TXNRD2: variants seen among roughly 807,000 people sequenced by gnomAD.
The protein encoded by TXNRD2 is thioredoxin reductase 2, mitochondrial.
In TXNRD2, 67 loss-of-function variants were observed where a neutral mutation model predicts 70.8. The observed-to-expected ratio is 0.95, with a 90% CI of 0.78 to 1.16. TXNRD2 has a LOEUF of 1.16. Ranked by LOEUF, TXNRD2 falls within the 50% of genes most tolerant of loss-of-function variation. TXNRD2 has a pLI of 0.00. For synonymous variants in TXNRD2, 301 were observed against 295.8 expected (o/e 1.02, Z -0.18); for missense variants, 644 against 719.9 (o/e 0.89, Z 1.21).
chr22:19,915,096 A>G (rs961307512), intron 7 of TXNRD2, 118 bp downstream of exon 7: 3 of 911,446 alleles, frequency 3.3e-6, no homozygotes, highest in South Asian at 2.8e-5. Flanking sequence ...GATAGTGAGT[A>G]TAGGGGGAAA....
At chr22:19,907,965 C>G (rs1319333021) in intron 8 of TXNRD2, among the ~76,000 whole-genome samples, 1 of 99,400 alleles carries the variant, frequency 1.0e-5, no homozygotes, top group Non-Finnish European at 1.9e-5. Flanking sequence ...AGAGTGTGGG[C>G]GCCGTGGGTA....
At chr22:19,938,742 G>A (rs1295895204) in intron 1 of TXNRD2, among the ~76,000 whole-genome samples, 2 of 152,116 alleles carry the variant, frequency 1.3e-5, no homozygotes, top group Non-Finnish European at 2.9e-5. Context: ...AACTTTTACA[G>A]TGCTCCCAGT....
intron 2 of TXNRD2, among the ~76,000 whole-genome samples, chr22:19,922,454 A>C (rs1012157): frequency 6.6e-6 from 1 of 151,968 alleles, no homozygotes; most frequent in Non-Finnish European, 1.5e-5. Flanking sequence ...TTAAGTATTC[A>C]AATGGTTTGT....
chr22:19,920,967 C>T (rs556143207), intron 2 of TXNRD2, among the ~76,000 whole-genome samples: 3 of 151,948 alleles, frequency 2.0e-5, no homozygotes, highest in East Asian at 3.9e-4. Context: ...ATTAGTTGGG[C>T]GTGGTGGCAG....
intron 3 of TXNRD2, among the ~76,000 whole-genome samples, chr22:19,919,271 C>A (rs1383445197): frequency 1.4e-5 from 2 of 145,854 alleles, no homozygotes; most frequent in African/African-American, 5.1e-5. Context: ...TCATAGCTCA[C>A]TATAGCCTCG....
chr22:19,893,116 A>T (rs1218303670), intron 11 of TXNRD2, among the ~76,000 whole-genome samples: 1 of 152,168 alleles, frequency 6.6e-6, no homozygotes, highest in Non-Finnish European at 1.5e-5. Flanking sequence ...CTGCTTCAGA[A>T]GTGCATCACC....
Position 19,894,932 on chromosome 22 carries a change from T to G in TXNRD2, c.949+475A>C, listed in dbSNP as rs1283448364. On this transcript the variant is annotated intron_variant, in intron 11 of 17. Coordinates refer to ENST00000400521, the MANE Select transcript of TXNRD2 (RefSeq NM_006440.5). ...GAACCCGGGAGGCGGAGGTTGCCACTGCACTCCAGCCTGGGCGACAGAGCG... is the reference window on the plus strand; with the variant it reads ...GAACCCGGGAGGCGGAGGTTGCCACGGCACTCCAGCCTGGGCGACAGAGCG... 6.9e-6 allele frequency: 9 copies of G among 1,311,048 alleles called. No homozygotes were observed. The African/African-American group carries it at 9.5e-5, about 14-fold the overall frequency. 81.2% of individuals were successfully genotyped at this position (1,311,048 alleles called of 1,614,324 possible).
intron 1 of TXNRD2, chr22:19,938,279 A>C (rs2146110327): frequency 6.6e-6 from 1 of 152,318 alleles, no homozygotes; most frequent in East Asian, 1.9e-4. Flanking sequence ...GGTGTCTGCC[A>C]AAGTTCCTGT....
intron 2 of TXNRD2, among the ~76,000 whole-genome samples, chr22:19,922,549 C>T (rs73383887): frequency 0.014 from 2,078 of 152,286 alleles, 50 homozygotes; most frequent in African/African-American, 0.048. Context: ...CCTTTGGGTC[C>T]CTTTTTACCT....
chr22:19,916,193 A>G, intron 5 of TXNRD2: 1 of 343,232 alleles, frequency 2.9e-6, no homozygotes, highest in Non-Finnish European at 5.6e-6. Flanking sequence ...ATGTTCCAGC[A>G]GGGAGCTGTG....
At chr22:19,888,747 C>T (rs1167311271) in intron 11 of TXNRD2, among the ~76,000 whole-genome samples, 2 of 152,196 alleles carry the variant, frequency 1.3e-5, no homozygotes, top group Non-Finnish European at 2.9e-5. Context: ...CATGTGGCCC[C>T]CAGAGCCAGC....
At chr22:19,890,533 G>A (rs1272835146) in intron 11 of TXNRD2, among the ~76,000 whole-genome samples, 1 of 152,104 alleles carries the variant, frequency 6.6e-6, no homozygotes, top group African/African-American at 2.4e-5. Flanking sequence ...GCAGCAAGGC[G>A]CATCCCTGAG....
chr22:19,886,263 G>A (rs1939028485), intron 11 of TXNRD2, among the ~76,000 whole-genome samples: 1 of 152,258 alleles, frequency 6.6e-6, no homozygotes, highest in African/African-American at 2.4e-5. Flanking sequence ...GCTCCACTTG[G>A]GTGGGGCCAC....
intron 2 of TXNRD2, among the ~76,000 whole-genome samples, chr22:19,927,667 AAAAAGAAAAG>A (rs1279212581): frequency 3.3e-5 from 5 of 150,454 alleles, no homozygotes; most frequent in African/African-American, 1.2e-4. Context: ...AAAAAAAAAA[AAAAAGAAAAG>A]AAAGAAAGAA....
rs781432469 is a variant in TXNRD2 at position 19,880,220 on chromosome 22, C to T, written c.1234G>A (p.Glu412Lys). ...CCGTGGCGAGCCACTGCCTCCTCCT[C>T]GGACAGCCCCACACAGCCATACTCC... ...PLEYGCVGLS[E>K]EEAVARHGQE... Residue 412 changes from glutamate (E) to lysine (K), a missense_variant, in exon 14 of 18, where the codon GAG becomes AAG. By Grantham distance (56) the Glu-to-Lys change is moderately conservative. Coordinates refer to ENST00000400521, the MANE Select transcript of TXNRD2 (RefSeq NM_006440.5). The T allele has an allele frequency of 1.2e-5, 19 of 1,613,758 alleles. No homozygotes were observed. Among genetic ancestry groups the T allele is most frequent in the Non-Finnish European group, 1.4e-5 (16 of 1,180,024 alleles).
At chr22:19,877,964 G>T in intron 16 of TXNRD2, 126 bp downstream of exon 16, 1 of 831,084 alleles carries the variant, frequency 1.2e-6, no homozygotes, top group Non-Finnish European at 2.0e-6. Context: ...AGGAATCTCT[G>T]CTGCAAACCC....
intron 1 of TXNRD2, chr22:19,933,497 C>G: frequency 7.8e-7 from 1 of 1,289,588 alleles, no homozygotes; most frequent in Non-Finnish European, 1.0e-6. Context: ...TCATCCTGCC[C>G]TGCAGCCTCG....
intron 1 of TXNRD2, chr22:19,938,048 A>T (rs73385638): frequency 2.6e-5 from 4 of 152,218 alleles, no homozygotes; most frequent in African/African-American, 9.7e-5. Context: ...CCTCCACAGT[A>T]GGCAGCAGGG....
chr22:19,880,419 C>T (rs1396704617), intron 13 of TXNRD2, 148 bp from the exon 14 acceptor site: 29 of 931,486 alleles, frequency 3.1e-5, no homozygotes, highest in Non-Finnish European at 4.0e-5. Context: ...CACCTGCCCA[C>T]GCCTGCGCCA....
Sources: gnomAD v4.1 joint callset for allele counts (sites outside exome capture counted in the v4.1 genomes callset) on GRCh38, gnomAD v4.1.1 for gene constraint, MANE v1.5 for transcripts, NCBI Gene and HGNC (gene_info 2026-07-23, HGNC 2026-07-21) for gene names.